EXOC4: variants seen among roughly 807,000 people sequenced by gnomAD.
The protein encoded by EXOC4 is SEC8-like 1.
In EXOC4, 71 loss-of-function variants were observed where a neutral mutation model predicts 107.2. The observed-to-expected ratio is 0.66, with a 90% CI of 0.55 to 0.81. The LOEUF (loss-of-function observed/expected upper bound fraction) is 0.81. Among genes scored for constraint, EXOC4 ranks in the 30% least tolerant of loss-of-function variants. The probability of loss-of-function intolerance (pLI) is 0.00; values close to 1 mark genes in which losing one functional copy is unlikely to be tolerated. For synonymous variants in EXOC4, 456 were observed against 441.2 expected (o/e 1.03, Z -0.42); for missense variants, 1,108 against 1,189.6 (o/e 0.93, Z 1.01).
intron 5 of EXOC4, among the ~76,000 whole-genome samples, chr7:133,331,314 G>A (rs1031732264): frequency 6.6e-5 from 10 of 152,034 alleles, no homozygotes; most frequent in Non-Finnish European, 1.0e-4. Context: ...TCTAGAATAT[G>A]TAAAGAATCT....
At chr7:133,424,741 A>G (rs1797686478) in intron 7 of EXOC4, among the ~76,000 whole-genome samples, 2 of 152,244 alleles carry the variant, frequency 1.3e-5, no homozygotes, top group African/African-American at 4.8e-5. Flanking sequence ...GAATAGAGTC[A>G]GTAAATAATC....
At chr7:133,459,111 G>A (rs1193306676) in intron 7 of EXOC4, among the ~76,000 whole-genome samples, 1 of 152,190 alleles carries the variant, frequency 6.6e-6, no homozygotes, top group Admixed American at 6.5e-5. Flanking sequence ...TAAGCAATTA[G>A]CAGAGAACAT....
At chr7:133,755,243 A>T (rs1464267804) in intron 10 of EXOC4, among the ~76,000 whole-genome samples, 7 of 91,068 alleles carry the variant, frequency 7.7e-5, no homozygotes, top group Admixed American at 1.1e-4. Flanking sequence ...TAATATATAT[A>T]ATATATATAT....
chr7:133,561,914 C>T (rs1800811803), intron 9 of EXOC4, among the ~76,000 whole-genome samples: 1 of 152,230 alleles, frequency 6.6e-6, no homozygotes, highest in Non-Finnish European at 1.5e-5. Context: ...CTGGATTAAG[C>T]AGGTAAATAT....
At chr7:133,872,263 T>G (rs1367722405) in intron 11 of EXOC4, among the ~76,000 whole-genome samples, 2 of 152,220 alleles carry the variant, frequency 1.3e-5, no homozygotes, top group African/African-American at 4.8e-5. Flanking sequence ...ATATTTTTTA[T>G]AAATGCATAG....
chr7:134,017,685 CA>C (rs1320612890), intron 17 of EXOC4, among the ~76,000 whole-genome samples: 3 of 152,226 alleles, frequency 2.0e-5, no homozygotes, highest in African/African-American at 7.2e-5. Context: ...TGCGGGTGAG[CA>C]TGCCTTACTG....
At chr7:133,547,558 A>G (rs1381609824) in intron 9 of EXOC4, among the ~76,000 whole-genome samples, 4 of 152,220 alleles carry the variant, frequency 2.6e-5, no homozygotes, top group Non-Finnish European at 5.9e-5. Flanking sequence ...ACGTCTTTCA[A>G]CATTGGAGTC....
chr7:133,822,796 T>C (rs1204108030), intron 11 of EXOC4, among the ~76,000 whole-genome samples: 4 of 152,220 alleles, frequency 2.6e-5, no homozygotes, highest in African/African-American at 7.2e-5. Flanking sequence ...AAGCATACTC[T>C]TAACATAACG....
chr7:133,426,425 G>A (rs1797727788), intron 7 of EXOC4, among the ~76,000 whole-genome samples: 1 of 152,194 alleles, frequency 6.6e-6, no homozygotes, highest in African/African-American at 2.4e-5. Context: ...ATTGTCTGAG[G>A]CCCCAGAAAT....
intron 7 of EXOC4, among the ~76,000 whole-genome samples, chr7:133,462,157 T>C (rs1798608834): frequency 6.6e-6 from 1 of 152,170 alleles, no homozygotes; most frequent in African/African-American, 2.4e-5. Context: ...CTTTTTTTCC[T>C]TGTGAGAATA....
intron 10 of EXOC4, among the ~76,000 whole-genome samples, chr7:133,706,523 A>G (rs1468337257): frequency 6.6e-6 from 1 of 152,248 alleles, no homozygotes; most frequent in African/African-American, 2.4e-5. Context: ...TATTTCCAAC[A>G]GAAATAATAT....
At chr7:133,779,497 T>C (rs2151171136) in intron 10 of EXOC4, among the ~76,000 whole-genome samples, 1 of 152,344 alleles carries the variant, frequency 6.6e-6, no homozygotes, top group East Asian at 1.9e-4. Flanking sequence ...GACATTTCAA[T>C]TATTGAGTTC....
At chr7:133,340,423 CTT>C (rs200341512) in intron 5 of EXOC4, among the ~76,000 whole-genome samples, 26 of 129,536 alleles carry the variant, frequency 2.0e-4, no homozygotes, top group South Asian at 2.4e-4. Context: ...TAGTATTTTT[CTT>C]TTTTTTTTTT....
At chr7:133,511,983 C>G (rs1021415810) in intron 9 of EXOC4, among the ~76,000 whole-genome samples, 1 of 152,210 alleles carries the variant, frequency 6.6e-6, no homozygotes, top group Non-Finnish European at 1.5e-5. Flanking sequence ...TACTTTTCTC[C>G]TCCTGCTCAG....
chr7:134,070,748 G>A (rs1438434712), downstream of EXOC4, among the ~76,000 whole-genome samples: 1 of 151,608 alleles, frequency 6.6e-6, no homozygotes, highest in Non-Finnish European at 1.5e-5. Flanking sequence ...CTATTAAGAT[G>A]TATGTGACCA....
chr7:133,666,447 C>A (rs887249219), intron 10 of EXOC4, among the ~76,000 whole-genome samples: 1 of 152,022 alleles, frequency 6.6e-6, no homozygotes, highest in African/African-American at 2.4e-5. Context: ...TTTGTAGAGT[C>A]CACCATCTCT....
At chr7:133,809,286 T>C (rs1797158390) in intron 10 of EXOC4, among the ~76,000 whole-genome samples, 1 of 152,226 alleles carries the variant, frequency 6.6e-6, no homozygotes, top group African/African-American at 2.4e-5. Context: ...TGCATGCTTT[T>C]ATACACAATC....
At chr7:133,468,717 G>A (rs576966574) in intron 7 of EXOC4, among the ~76,000 whole-genome samples, 3 of 152,216 alleles carry the variant, frequency 2.0e-5, no homozygotes, top group Admixed American at 1.3e-4. Context: ...AGAGGAATTC[G>A]CCTACTGTGC....
intron 17 of EXOC4, among the ~76,000 whole-genome samples, chr7:134,027,026 GT>G (rs1206990078): frequency 6.6e-6 from 1 of 151,926 alleles, no homozygotes; most frequent in East Asian, 1.9e-4. Flanking sequence ...TGACAAATGG[GT>G]GTTTTAGTGA....
Sources: gnomAD v4.1 joint callset for allele counts (sites outside exome capture counted in the v4.1 genomes callset) on GRCh38, gnomAD v4.1.1 for gene constraint, MANE v1.5 for transcripts, NCBI Gene and HGNC (gene_info 2026-07-23, HGNC 2026-07-21) for gene names.